The following FAM228B variants were observed in gnomAD, a reference collection of about 807,000 sequenced individuals.
FAM228B encodes protein FAM228B.
A neutral mutation model predicts 42.6 loss-of-function variants in FAM228B; 38 were observed. That is an observed-to-expected ratio of 0.89 (90% CI 0.69 to 1.17). The LOEUF is 1.17. FAM228B is among the 50% of genes most tolerant of loss of function. The pLI is 0.00. For missense variants in FAM228B, 344 were observed against 367.3 expected (o/e 0.94, Z 0.52); for synonymous variants, 109 against 122.3 (o/e 0.89, Z 0.72).
chr2:24,141,581 T>C (rs1317262206), intron 5 of FAM228B, among the ~76,000 whole-genome samples: 3 of 152,160 alleles, frequency 2.0e-5, no homozygotes, highest in East Asian at 1.9e-4. Flanking sequence ...GGTTTCACCA[T>C]GTTGATCAGG....
intron 5 of FAM228B, among the ~76,000 whole-genome samples, chr2:24,146,394 T>G (rs543729552): frequency 6.6e-6 from 1 of 152,332 alleles, no homozygotes; most frequent in East Asian, 1.9e-4. Flanking sequence ...ATTATCAATG[T>G]TAGGGATTAA....
chr2:24,142,864 A>G (rs1227237839), intron 5 of FAM228B: 1 of 152,208 alleles, frequency 6.6e-6, no homozygotes, highest in Non-Finnish European at 1.5e-5. Context: ...ATATTAATGA[A>G]TGTGATTCTT....
chr2:24,144,333 A>C (rs1343140118), intron 5 of FAM228B, among the ~76,000 whole-genome samples: 1 of 152,038 alleles, frequency 6.6e-6, no homozygotes, highest in African/African-American at 2.4e-5. Flanking sequence ...GCCACTCGGG[A>C]GGTGGAGGTG....
chr2:24,122,293 C>T (rs1261949714), upstream of FAM228B: 9 of 716,812 alleles, frequency 1.3e-5, no homozygotes, highest in Non-Finnish European at 1.7e-5. Context: ...GCCATTGCAT[C>T]CCAGGCTAAG....
chr2:24,090,308 A>G (rs1665362390), intron 2 of FAM228B, among the ~76,000 whole-genome samples: 1 of 149,038 alleles, frequency 6.7e-6, no homozygotes. Flanking sequence ...AAGGACTGGC[A>G]CGGTGGCTCA....
At chr2:24,082,747 A>G (rs1665060884) in intron 2 of FAM228B, 1 of 1,219,142 alleles carries the variant, frequency 8.2e-7, no homozygotes, top group African/African-American at 1.5e-5. Context: ...AAACCCTTCT[A>G]ACATGGTTTG....
At chr2:24,159,857 T>C (rs1667247315) in intron 7 of FAM228B, among the ~76,000 whole-genome samples, 1 of 152,226 alleles carries the variant, frequency 6.6e-6, no homozygotes. Context: ...GCTTCTATTG[T>C]TGTTTTTGAG....
chr2:24,163,126 A>G (rs1667321497), intron 8 of FAM228B, among the ~76,000 whole-genome samples: 1 of 152,248 alleles, frequency 6.6e-6, no homozygotes, highest in African/African-American at 2.4e-5. Flanking sequence ...AGCAAGGTGC[A>G]AGAAAAGTGA....
intron 3 of FAM228B, among the ~76,000 whole-genome samples, chr2:24,101,977 C>T (rs1421577006): frequency 1.3e-5 from 2 of 152,076 alleles, no homozygotes; most frequent in South Asian, 4.1e-4. Flanking sequence ...CTACCGCGCC[C>T]GGTCCCTATT....
chr2:24,131,185 A>G (rs985275289), intron 2 of FAM228B, among the ~76,000 whole-genome samples: 4 of 152,144 alleles, frequency 2.6e-5, no homozygotes, highest in African/African-American at 9.7e-5. Context: ...CCATTGGTCT[A>G]TATGTCTGTT....
intron 3 of FAM228B, among the ~76,000 whole-genome samples, chr2:24,117,383 A>G (rs547792166): frequency 5.9e-5 from 9 of 151,998 alleles, no homozygotes; most frequent in Non-Finnish European, 1.5e-5. Flanking sequence ...TCTTTAATTA[A>G]TATTCATGCC....
rs375503992 is a variant in FAM228B at position 24,079,487 on chromosome 2, C to T, written c.-289-1389C>T. The stretch of plus-strand genomic sequence containing the variant: ...CAGCAAACTGGTGATCAGACTTCCT[C>T]GCTTAAAAAGTAGCTTTGAAAACAG... On this transcript the variant is annotated intron_variant, in intron 1 of 10. Coordinates refer to the FAM228B transcript ENST00000613899. 3.0e-5 allele frequency: 48 copies of T among 1,614,172 alleles called. 1 individual carries two copies. The East Asian group carries it at 6.7e-4, about 22-fold the overall frequency.
At chr2:24,138,422 C>T (rs1383359071) in intron 4 of FAM228B, among the ~76,000 whole-genome samples, 1 of 152,070 alleles carries the variant, frequency 6.6e-6, no homozygotes, top group African/African-American at 2.4e-5. Flanking sequence ...TGCAAACCTC[C>T]ACCTCACGGC....
chr2:24,149,233 G>A (rs1247264999), intron 7 of FAM228B, among the ~76,000 whole-genome samples: 4 of 152,142 alleles, frequency 2.6e-5, no homozygotes, highest in Non-Finnish European at 2.9e-5. Context: ...TCTTTTGAGT[G>A]TGTACACAAC....
At chr2:24,145,358 C>T (rs1190483503) in intron 5 of FAM228B, among the ~76,000 whole-genome samples, 1 of 152,222 alleles carries the variant, frequency 6.6e-6, no homozygotes, top group Non-Finnish European at 1.5e-5. Context: ...AAAACACAGA[C>T]ACCACTGACG....
intron 7 of FAM228B, among the ~76,000 whole-genome samples, chr2:24,160,209 C>G (rs930334873): frequency 5.9e-5 from 9 of 151,960 alleles, no homozygotes; most frequent in African/African-American, 1.9e-4. Context: ...AGGCTGGTCT[C>G]GAACTCCTGG....
At chr2:24,121,387 C>T, upstream of FAM228B, 1 of 1,304,402 alleles carries the variant, frequency 7.7e-7, no homozygotes, top group Non-Finnish European at 1.1e-6. Flanking sequence ...TTTTTATGGC[C>T]TGCAAGCTAA....
chr2:24,130,000 C>G (rs948413933), intron 2 of FAM228B, among the ~76,000 whole-genome samples: 1 of 152,106 alleles, frequency 6.6e-6, no homozygotes, highest in Non-Finnish European at 1.5e-5. Flanking sequence ...GTGTGTTGTT[C>G]CCCTCCCTGG....
rs577200433 is a variant in FAM228B at position 24,133,105 on chromosome 2, T to G, written c.100-2014T>G. On this transcript the variant is annotated intron_variant, in intron 2 of 10. Coordinates refer to ENST00000615575, the MANE Select transcript of FAM228B (RefSeq NM_001145710.2). ...TAGGCCGCATGTTTCTATCTGAGTT[T>G]TAGCCACCTCCTTTACCTCAGACTA... is the stretch of plus-strand genomic sequence containing the variant. Among the ~76,000 whole-genome samples the G allele has an allele frequency of 1.1e-4, 16 of 152,318 alleles. 1 individual carries two copies. In the South Asian group the frequency reaches 3.3e-3, roughly 32 times the overall value.
Sources: allele counts gnomAD v4.1 joint callset (sites outside exome capture counted in the v4.1 genomes callset), GRCh38; gene constraint gnomAD v4.1.1; transcripts MANE v1.5; gene names NCBI Gene and HGNC (gene_info 2026-07-23, HGNC 2026-07-21).